BAHCC1: variants seen among roughly 807,000 people sequenced by gnomAD.
BAHCC1 encodes the protein BAH and coiled-coil domain-containing protein 1.
In BAHCC1, 43 loss-of-function variants were observed where a neutral mutation model predicts 88.2. The observed-to-expected ratio is 0.49, with a 90% CI of 0.38 to 0.63. BAHCC1 has a LOEUF of 0.63. BAHCC1 is among the 20% of genes least tolerant of loss of function. BAHCC1 has a pLI of 0.00. For missense variants in BAHCC1, 3,023 were observed against 1,654.8 expected (o/e 1.83, Z -14.34); for synonymous variants, 1,510 against 745.5 (o/e 2.03, Z -16.71).
At chr17:81,430,900 G>C (rs2143437119) in intron 3 of BAHCC1, among the ~76,000 whole-genome samples, 1 of 152,134 alleles carries the variant, frequency 6.6e-6, no homozygotes, top group East Asian at 1.9e-4. Flanking sequence ...GCCTAGACCT[G>C]CTGTCCCTGC....
rs2064315487 is a variant in BAHCC1, at chr17:81,434,901, G to T, written c.359-3469G>T. On this transcript the variant is annotated intron_variant, in intron 3 of 27. Transcript: ENST00000675386. The surrounding 1 kb of genome is among the most constrained non-coding windows in gnomAD (Gnocchi z 4.9). ...GGGGGATGAGGTACCTGGAGTGGGG[G>T]TGCCCGTCAGGCAGCCAGGGCTGGT... 6.6e-6 allele frequency among the ~76,000 whole-genome samples: 1 copy of T among 152,034 alleles called. No homozygotes were observed. The highest frequency in any genetic ancestry group is 1.9e-4 in the East Asian group (1 of 5,170).
intron 11 of BAHCC1, among the ~76,000 whole-genome samples, chr17:81,449,500 G>A (rs1761538580): frequency 6.6e-6 from 1 of 152,210 alleles, no homozygotes; most frequent in Admixed American, 6.5e-5. Context: ...CCCCAGGACT[G>A]GCAGAACCAT....
rs2063790588 is a variant in BAHCC1 at position 81,399,818 on chromosome 17, G to T, written c.79G>T (p.Ala27Ser). 13 of 1,322,622 alleles carry T rather than the reference G, an allele frequency of 9.8e-6. No individual in the cohort carries two copies. Among genetic ancestry groups the T allele is most frequent in the Non-Finnish European group, 1.2e-5 (12 of 1,038,128 alleles). 81.9% of individuals were successfully genotyped at this position (1,322,622 alleles called of 1,614,324 possible). ...CCTGGGCCACCGCAGCGCCGCTGCC[G>T]CCGCGCGTCTCGCCCCGGCTGGGCC... ...GSLGHRSAAA[A>S]ARLAPAGPAA... The change falls in exon 2 of 28, where the codon GCC becomes TCC. Residue 27 changes from alanine to serine, a missense_variant. Coordinates refer to ENST00000675386, the MANE Select transcript of BAHCC1 (RefSeq NM_001377448.1). The surrounding 1 kb of genome is among the most constrained non-coding windows in gnomAD (Gnocchi z 4.5).
intron 6 of BAHCC1, 106 bp downstream of exon 6, chr17:81,444,023 G>A (rs1886751188): frequency 4.5e-6 from 3 of 663,274 alleles, no homozygotes; most frequent in South Asian, 3.2e-5. Flanking sequence ...TGGGGCAGCA[G>A]ATTCTATGGC....
chr17:81,463,924 T>G lies in BAHCC1; in HGVS notation c.*107T>G. ...GCAGCCCCGGCCTCCCAAGGGCGCA[T>G]CTGAGCAAATATGCAAAAGCCCACA... On this transcript the variant is annotated 3_prime_UTR_variant, in exon 28 of 28. Coordinates refer to ENST00000675386, the MANE Select transcript of BAHCC1 (RefSeq NM_001377448.1). 6.0e-6 allele frequency: 4 copies of G among 661,882 alleles called. No individual in the cohort carries two copies. Among genetic ancestry groups the G allele is most frequent in the Non-Finnish European group, 1.1e-5 (4 of 364,038 alleles). 41.0% of individuals were successfully genotyped at this position (661,882 alleles called of 1,614,324 possible).
At position 81,461,575 on chromosome 17, in the gene BAHCC1, C is replaced by T. The variant is rs61738790; in HGVS notation, c.6912C>T (p.Ala2304=). Residue 2304 remains alanine, a synonymous_variant, in exon 26 of 28, where the codon GCC becomes GCT. Coordinates refer to ENST00000675386, the MANE Select transcript of BAHCC1 (RefSeq NM_001377448.1). ...ACGAGGACGGGCCGGGGCTGGCGGC[C>T]GGCGTGCCCTCCCGCTTCCTCGCCC... ...DEDEDGPGLA[A]GVPSRFLARL... is the part of the protein sequence containing the mutation. 51,372 of 719,650 alleles carry T rather than the reference C, an allele frequency of 0.071. 2,152 individuals are homozygous for T. Among genetic ancestry groups the T allele is most frequent in the African/African-American group, 0.11 (6,144 of 57,550 alleles). The allele number at this position is 719,650 out of a possible 1,614,324, so 44.6% of individuals were successfully genotyped here.
chr17:81,463,164 C>T, intron 27 of BAHCC1, among the ~76,000 whole-genome samples, 188 bp downstream of exon 27: 1 of 152,154 alleles, frequency 6.6e-6, no homozygotes, highest in East Asian at 1.9e-4. Context: ...CTCCCAGGTC[C>T]CTCCCCACAG....
chr17:81,431,975 G>A (rs952296960), intron 3 of BAHCC1, among the ~76,000 whole-genome samples: 10,323 of 152,292 alleles, frequency 0.068, 481 homozygotes, highest in Non-Finnish European at 0.11. Context: ...TGGCAGATGC[G>A]GCATGGGCCC....
intron 2 of BAHCC1, among the ~76,000 whole-genome samples, chr17:81,418,250 C>A (rs1425457635): frequency 3.9e-5 from 6 of 152,194 alleles, no homozygotes; most frequent in Non-Finnish European, 7.4e-5. Flanking sequence ...CTGGAGAGGG[C>A]TTCAGATTGG....
Position 81,399,235 on chromosome 17 carries a change from G to C in BAHCC1, c.-206-299G>C. ...GCCTCTTCGCCGCGGCGCCCTAGCT[G>C]CAGGGACCCGCGGGGACGAGAACGG... On this transcript the variant is annotated intron_variant, in intron 1 of 27. Coordinates refer to ENST00000675386, the MANE Select transcript of BAHCC1 (RefSeq NM_001377448.1). This position sits in a 1 kb window ranked among gnomAD's most constrained non-coding sequence, Gnocchi z 4.5. 4.8e-6 allele frequency: 2 copies of C among 417,878 alleles called. No individual in the cohort carries two copies. The highest frequency in any genetic ancestry group is 9.6e-6 in the Non-Finnish European group (2 of 208,554). 25.9% of individuals were successfully genotyped at this position (417,878 alleles called of 1,614,324 possible).
chr17:81,464,715 T>C lies in BAHCC1; in HGVS notation c.*898T>C, dbSNP rs1182386749. On this transcript the variant is annotated 3_prime_UTR_variant, in exon 28 of 28. Transcript: ENST00000675386. ...AAAGCAATGTTTGGATTGTATCTGC[T>C]GAATCATATTCCAACCTATATCTGA... is the stretch of plus-strand genomic sequence containing the variant. The C allele has an allele frequency of 6.6e-6, 1 of 152,594 alleles. No individual in the cohort carries two copies. The highest frequency in any genetic ancestry group is 1.5e-5 in the Non-Finnish European group (1 of 68,052). 9.5% of individuals were successfully genotyped at this position (152,594 alleles called of 1,614,324 possible).
rs1302191882 is a variant in BAHCC1, at chr17:81,399,671, C to T, written c.-69C>T. ...CCGCCGCCTCTGCGCCGCCCGCGCGCCGAGCCGCCCCCGGGCCCCGGCCGC... is the reference window on the plus strand; with the variant it reads ...CCGCCGCCTCTGCGCCGCCCGCGCGTCGAGCCGCCCCCGGGCCCCGGCCGC... On this transcript the variant is annotated 5_prime_UTR_variant, in exon 2 of 28. Coordinates refer to ENST00000675386, the MANE Select transcript of BAHCC1 (RefSeq NM_001377448.1). This position sits in a 1 kb window ranked among gnomAD's most constrained non-coding sequence, Gnocchi z 4.5. 4.8e-5 allele frequency: 46 copies of T among 959,204 alleles called. No homozygotes were observed. Among genetic ancestry groups the T allele is most frequent in the Non-Finnish European group, 5.6e-5 (45 of 806,112 alleles). The allele number at this position is 959,204 out of a possible 1,614,324, so 59.4% of individuals were successfully genotyped here.
Position 81,461,486 on chromosome 17 carries a change from G to A in BAHCC1, c.6823G>A (p.Ala2275Thr), listed in dbSNP as rs1173252565. 6.7e-6 allele frequency: 5 copies of A among 743,878 alleles called. No individual in the cohort carries two copies. The highest frequency in any genetic ancestry group is 2.5e-5 in the East Asian group (1 of 39,506). 46.1% of individuals were successfully genotyped at this position (743,878 alleles called of 1,614,324 possible). A position where few individuals can be genotyped will look rare whatever the true frequency, so the allele number is the denominator to read the frequency against. ...CATGGGGCTGGCGCTGCGCAAGTAC[G>A]CGGGCCAGGCAGAGTTCCCGCTGCC... ...LPMGLALRKY[A>T]GQAEFPLPYD... The change falls in exon 26 of 28, where the codon GCG (alanine) becomes ACG (threonine). Residue 2275 changes from alanine to threonine, a missense_variant. Transcript: ENST00000675386.
In BAHCC1 at chr17:81,463,906, C is replaced by G. The variant is rs956396314; in HGVS notation, c.*89C>G. On this transcript the variant is annotated 3_prime_UTR_variant, in exon 28 of 28. Coordinates refer to ENST00000675386, the MANE Select transcript of BAHCC1 (RefSeq NM_001377448.1). ...CAAGCCACCGGGCAGGAGGCAGCCC[C>G]GGCCTCCCAAGGGCGCATCTGAGCA... The G allele has an allele frequency of 1.5e-6, 1 of 681,446 alleles. No individual in the cohort carries two copies. Among genetic ancestry groups the G allele is most frequent in the African/African-American group, 1.8e-5 (1 of 56,660 alleles). 42.2% of individuals were successfully genotyped at this position (681,446 alleles called of 1,614,324 possible). A position where few individuals can be genotyped will look rare whatever the true frequency, so the allele number is the denominator to read the frequency against.
chr17:81,463,461 C>G (rs2030477619), intron 27 of BAHCC1, 150 bp from the exon 28 acceptor site: 1 of 647,088 alleles, frequency 1.5e-6, no homozygotes, highest in Non-Finnish European at 2.8e-6. Context: ...GGACCTGGTC[C>G]CTGGCAGGTT....
intron 1 of BAHCC1, among the ~76,000 whole-genome samples, chr17:81,398,614 C>G (rs906757047): frequency 2.0e-5 from 3 of 150,224 alleles, no homozygotes; most frequent in African/African-American, 4.9e-5. Flanking sequence ...GCACCCCCCC[C>G]ACACACACCC....
At chr17:81,458,763 A>G (rs368661696) in intron 19 of BAHCC1, 38 bp downstream of exon 19, 4 of 749,374 alleles carry the variant, frequency 5.3e-6, no homozygotes, top group African/African-American at 3.4e-5. Context: ...CTGTGCACCC[A>G]CCTGCACCCC....
intron 2 of BAHCC1, among the ~76,000 whole-genome samples, chr17:81,403,763 A>G (rs1429838257): frequency 1.3e-5 from 2 of 152,232 alleles, no homozygotes; most frequent in African/African-American, 4.8e-5. Context: ...CATAAGTGAC[A>G]GAGTTAGACA....
At position 81,447,610 on chromosome 17, in the gene BAHCC1, A is replaced by C; in HGVS notation, c.3738A>C (p.Gly1246=). 1.3e-6 allele frequency: 1 copy of C among 746,462 alleles called. No individual in the cohort carries two copies. The allele number at this position is 746,462 out of a possible 1,614,324, so 46.2% of individuals were successfully genotyped here. ...AGGACTCAGAGGAGGACTGTGGCGG[A>C]GCTCCCGACAACAGCCACCCACCCA... is the stretch of plus-strand genomic sequence containing the variant. ...SMEDSEEDCG[G]APDNSHPPRA... is the part of the protein sequence containing the mutation. The change falls in exon 11 of 28, where the codon GGA becomes GGC. Residue 1246 remains glycine, a synonymous_variant. Coordinates refer to ENST00000675386, the MANE Select transcript of BAHCC1 (RefSeq NM_001377448.1).
Sources: gnomAD v4.1 joint callset for allele counts (sites outside exome capture counted in the v4.1 genomes callset) on GRCh38, gnomAD v4.1.1 for gene constraint, Gnocchi (gnomAD v3.1) non-coding constraint, MANE v1.5 for transcripts, NCBI Gene and HGNC (gene_info 2026-07-23, HGNC 2026-07-21) for gene names.